The following RIMS2 variants were observed in gnomAD, a reference collection of about 807,000 sequenced individuals.
The protein encoded by RIMS2 is regulating synaptic membrane exocytosis 2, also known as regulating synaptic membrane exocytosis protein 2.
In RIMS2, 59 loss-of-function variants were observed where a neutral mutation model predicts 174.4. That is an observed-to-expected ratio of 0.34 (90% CI 0.27 to 0.42). The LOEUF (loss-of-function observed/expected upper bound fraction) is 0.42, where lower values mean the gene tolerates loss of function less well. RIMS2 is among the 10% of genes least tolerant of loss of function. The pLI is 1.00. For synonymous variants in RIMS2, 606 were observed against 572.5 expected (o/e 1.06, Z -0.84); for missense variants, 1,620 against 1,666.3 (o/e 0.97, Z 0.48).
intron 3 of RIMS2, among the ~76,000 whole-genome samples, chr8:103,870,382 GCAC>G (rs768663271): frequency 8.2e-4 from 123 of 150,246 alleles, no homozygotes; most frequent in Non-Finnish European, 1.3e-3. Flanking sequence ...ACCACCACCA[GCAC>G]CACCACCACC....
chr8:103,642,798 T>C (rs1355931593), intron 1 of RIMS2, among the ~76,000 whole-genome samples: 1 of 152,034 alleles, frequency 6.6e-6, no homozygotes, highest in Non-Finnish European at 1.5e-5. Context: ...TTATACTGTT[T>C]CTCTGTAGAT....
chr8:103,594,665 G>T (rs1324801584), intron 1 of RIMS2, among the ~76,000 whole-genome samples: 1 of 151,804 alleles, frequency 6.6e-6, no homozygotes, highest in East Asian at 1.9e-4. Flanking sequence ...AGGGAATGCA[G>T]ATTGCTGCTG....
intron 1 of RIMS2, among the ~76,000 whole-genome samples, chr8:103,515,994 C>T (rs1455625404): frequency 6.6e-6 from 1 of 151,962 alleles, no homozygotes; most frequent in Admixed American, 6.6e-5. Flanking sequence ...TCTCATGTGC[C>T]ATCTATACAC....
At chr8:103,792,112 A>G (rs575483549) in intron 3 of RIMS2, among the ~76,000 whole-genome samples, 2 of 152,198 alleles carry the variant, frequency 1.3e-5, no homozygotes, top group Admixed American at 6.5e-5. Flanking sequence ...AATCAACAGA[A>G]TATACATTCT....
chr8:104,003,742 GTTAAGGAAC>G, intron 17 of RIMS2, among the ~76,000 whole-genome samples: 1 of 152,112 alleles, frequency 6.6e-6, no homozygotes, highest in South Asian at 2.1e-4. Context: ...CTTCATAAAT[GTTAAGGAAC>G]TTAGATCAAA....
At chr8:103,837,307 G>A (rs536384702) in intron 3 of RIMS2, among the ~76,000 whole-genome samples, 5 of 152,316 alleles carry the variant, frequency 3.3e-5, no homozygotes, top group Admixed American at 6.5e-5. Flanking sequence ...CCAGTTCTTC[G>A]CAGTTATGCA....
chr8:103,949,124 CAA>C (rs533642917), intron 14 of RIMS2, among the ~76,000 whole-genome samples: 11 of 44,094 alleles, frequency 2.5e-4, no homozygotes, highest in East Asian at 9.4e-4. Flanking sequence ...GAGACTCTGT[CAA>C]AAAAAAAAAA....
intron 19 of RIMS2, among the ~76,000 whole-genome samples, chr8:104,201,245 A>G (rs1452628657): frequency 2.0e-5 from 3 of 152,198 alleles, no homozygotes; most frequent in African/African-American, 7.2e-5. Flanking sequence ...TTTAAAACAT[A>G]ATTAGATGTA....
intron 2 of RIMS2, among the ~76,000 whole-genome samples, chr8:103,710,526 GA>G (rs779598146): frequency 1.1e-4 from 16 of 151,944 alleles, no homozygotes; most frequent in Admixed American, 4.6e-4. Context: ...GACTTCATAA[GA>G]AAACAATTAT....
At chr8:103,682,336 G>C (rs923995082) in intron 1 of RIMS2, among the ~76,000 whole-genome samples, 1 of 152,004 alleles carries the variant, frequency 6.6e-6, no homozygotes, top group Non-Finnish European at 1.5e-5. Context: ...GAAGGAGAAA[G>C]AAAATGAAAG....
At chr8:103,960,730 T>C (rs1395374171) in intron 14 of RIMS2, among the ~76,000 whole-genome samples, 1 of 152,198 alleles carries the variant, frequency 6.6e-6, no homozygotes, top group Admixed American at 6.5e-5. Context: ...ACTTGACTTA[T>C]CTATTTTCTA....
At chr8:104,071,474 A>G (rs1039536944) in intron 19 of RIMS2, among the ~76,000 whole-genome samples, 1 of 152,022 alleles carries the variant, frequency 6.6e-6, no homozygotes, top group Non-Finnish European at 1.5e-5. Context: ...TTGCTCTGTC[A>G]CCCAGGCTGG....
chr8:104,112,143 T>A (rs1405477305), intron 19 of RIMS2, among the ~76,000 whole-genome samples: 1 of 152,186 alleles, frequency 6.6e-6, no homozygotes, highest in East Asian at 1.9e-4. Flanking sequence ...ATGAGCAAAT[T>A]CCCTTATATT....
At chr8:103,744,404 G>A (rs2097788447) in intron 2 of RIMS2, among the ~76,000 whole-genome samples, 1 of 152,056 alleles carries the variant, frequency 6.6e-6, no homozygotes, top group Admixed American at 6.5e-5. Context: ...CAGTGGAATT[G>A]GCCTGTGCTT....
chr8:104,138,439 T>C (rs1468551535), intron 19 of RIMS2, among the ~76,000 whole-genome samples: 1 of 152,126 alleles, frequency 6.6e-6, no homozygotes, highest in African/African-American at 2.4e-5. Context: ...CCAGCATTCA[T>C]CACCTCTTTT....
At chr8:103,952,695 C>T (rs576075669) in intron 14 of RIMS2, among the ~76,000 whole-genome samples, 68 of 152,096 alleles carry the variant, frequency 4.5e-4, no homozygotes, top group East Asian at 5.8e-4. Context: ...AAAACCAGAA[C>T]GCTTCTTCTC....
chr8:104,172,246 CAGTT>C (rs1471057820), intron 19 of RIMS2, among the ~76,000 whole-genome samples: 1 of 152,012 alleles, frequency 6.6e-6, no homozygotes, highest in Non-Finnish European at 1.5e-5. Flanking sequence ...GAGGAGCTCT[CAGTT>C]AGGGCATCAT....
At chr8:103,883,376 T>A (rs2099179296) in intron 3 of RIMS2, among the ~76,000 whole-genome samples, 1 of 151,724 alleles carries the variant, frequency 6.6e-6, no homozygotes, top group Non-Finnish European at 1.5e-5. Context: ...GTTTTTTTAG[T>A]CAAATGTATA....
intron 16 of RIMS2, among the ~76,000 whole-genome samples, chr8:103,986,836 G>A (rs1323454162): frequency 6.6e-6 from 1 of 150,636 alleles, no homozygotes; most frequent in Non-Finnish European, 1.5e-5. Context: ...TCCTGCCATT[G>A]CACTCCAACC....
Sources: allele counts gnomAD v4.1 joint callset (sites outside exome capture counted in the v4.1 genomes callset), GRCh38; gene constraint gnomAD v4.1.1; transcripts MANE v1.5; gene names NCBI Gene and HGNC (gene_info 2026-07-23, HGNC 2026-07-21).